Variants in DDAH1 observed in about 807,000 individuals in gnomAD.
DDAH1 encodes dimethylarginine dimethylaminohydrolase 1.
In DDAH1, 19 loss-of-function variants were observed where a neutral mutation model predicts 28.8. The observed-to-expected ratio is 0.66, with a 90% CI of 0.46 to 0.97. The LOEUF is 0.97. Ranked by LOEUF, DDAH1 falls within the 50% of genes least tolerant of loss-of-function variation. The pLI is 0.00. For synonymous variants in DDAH1, 153 were observed against 154.4 expected, an observed-to-expected ratio of 0.99 and a Z score of 0.07; for missense variants, 326 against 375.9, an observed-to-expected ratio of 0.87 and a Z score of 1.10.
rs72724700 is a variant in DDAH1 at position 85,519,256 on chromosome 1, C to T, written c.-122-22975G>A. ...CTACAGGCGCCCGCCACCAGGCCGGCGTAATTTTTTTTTGTATTTTTAGTA... is the reference window on the plus strand; with the variant it reads ...CTACAGGCGCCCGCCACCAGGCCGGTGTAATTTTTTTTTGTATTTTTAGTA... On this transcript the variant is annotated intron_variant, in intron 1 of 6. Coordinates refer to the DDAH1 transcript ENST00000426972. Among the ~76,000 whole-genome samples the T allele has an allele frequency of 1.3e-4, 20 of 151,846 alleles. No homozygotes were observed. The East Asian group carries it at 1.5e-3, about 12-fold the overall frequency.
chr1:85,448,295 T>C (rs1654525782), intron 1 of DDAH1, among the ~76,000 whole-genome samples: 1 of 152,216 alleles, frequency 6.6e-6, no homozygotes, highest in South Asian at 2.1e-4. Flanking sequence ...TTATCCTGGA[T>C]TACCAATCAG....
At chr1:85,421,349 T>C (rs376166987) in intron 1 of DDAH1, among the ~76,000 whole-genome samples, 6 of 152,342 alleles carry the variant, frequency 3.9e-5, no homozygotes. Flanking sequence ...GTTACTGAGG[T>C]CAGCAGCTTT....
At chr1:85,385,146 T>A (rs1022568302) in intron 1 of DDAH1, among the ~76,000 whole-genome samples, 1 of 152,206 alleles carries the variant, frequency 6.6e-6, no homozygotes, top group Non-Finnish European at 1.5e-5. Context: ...GCAATATCTA[T>A]TTAAGCTTTT....
intron 1 of DDAH1, among the ~76,000 whole-genome samples, chr1:85,384,671 T>C (rs1377319054): frequency 6.6e-6 from 1 of 152,232 alleles, no homozygotes; most frequent in Non-Finnish European, 1.5e-5. Context: ...TAAACATTGT[T>C]ACTTTTCTTT....
At chr1:85,524,795 A>G (rs1207352912) in intron 1 of DDAH1, among the ~76,000 whole-genome samples, 1 of 151,496 alleles carries the variant, frequency 6.6e-6, no homozygotes, top group Admixed American at 6.6e-5. Context: ...TTAGAAATGA[A>G]GCACGCAGTG....
At chr1:85,479,159 CTTTTTTTT>C (rs35629726) in intron 2 of DDAH1, among the ~76,000 whole-genome samples, 64 of 78,662 alleles carry the variant, frequency 8.1e-4, no homozygotes, top group Non-Finnish European at 1.0e-3. Context: ...TTCTGTTTTT[CTTTTTTTT>C]TTTTTTTTTT....
chr1:85,572,198 C>T (rs1170937093), intron 1 of DDAH1, among the ~76,000 whole-genome samples: 2 of 152,124 alleles, frequency 1.3e-5, no homozygotes, highest in African/African-American at 4.8e-5. Context: ...GGCAAGGGCC[C>T]TAAGGAGAGA....
intron 1 of DDAH1, among the ~76,000 whole-genome samples, chr1:85,426,020 A>G (rs955958960): frequency 3.9e-5 from 6 of 152,292 alleles, no homozygotes; most frequent in African/African-American, 1.4e-4. Context: ...TACGTTCATT[A>G]CTAACAGGGA....
At chr1:85,501,982 C>T (rs1656837842) in intron 1 of DDAH1, among the ~76,000 whole-genome samples, 1 of 152,170 alleles carries the variant, frequency 6.6e-6, no homozygotes, top group Non-Finnish European at 1.5e-5. Flanking sequence ...TATCCTTTAA[C>T]CATGCTTCCC....
chr1:85,431,680 T>C (rs1341368766), intron 1 of DDAH1, among the ~76,000 whole-genome samples: 1 of 152,086 alleles, frequency 6.6e-6, no homozygotes, highest in Non-Finnish European at 1.5e-5. Flanking sequence ...CAGTAATGCA[T>C]CTGACCCTAT....
At chr1:85,544,877 C>T (rs1024822474) in intron 1 of DDAH1, among the ~76,000 whole-genome samples, 1 of 152,110 alleles carries the variant, frequency 6.6e-6, no homozygotes, top group Non-Finnish European at 1.5e-5. Flanking sequence ...CCCAAAGGGC[C>T]TATTCACCCT....
intron 1 of DDAH1, among the ~76,000 whole-genome samples, chr1:85,422,045 C>A (rs953145061): frequency 3.3e-5 from 5 of 151,982 alleles, no homozygotes; most frequent in Non-Finnish European, 7.4e-5. Context: ...AAAAAGAGTA[C>A]CTATTGTTCT....
At chr1:85,507,357 G>T (rs965607527) in intron 1 of DDAH1, among the ~76,000 whole-genome samples, 1 of 152,044 alleles carries the variant, frequency 6.6e-6, no homozygotes, top group East Asian at 1.9e-4. Context: ...ACAAAAATTA[G>T]CCAGGTGTGC....
chr1:85,394,590 C>G (rs908542171), intron 1 of DDAH1, among the ~76,000 whole-genome samples: 3 of 152,118 alleles, frequency 2.0e-5, no homozygotes, highest in Non-Finnish European at 2.9e-5. Context: ...TTCTGACCAA[C>G]AAAATAACCT....
At chr1:85,452,019 C>T (rs72956696) in intron 1 of DDAH1, among the ~76,000 whole-genome samples, 510 of 152,194 alleles carry the variant, frequency 3.4e-3, no homozygotes, top group African/African-American at 0.012. Flanking sequence ...TTTGAAAATG[C>T]CTGTTTACTG....
chr1:85,523,208 T>A (rs1657751691), intron 1 of DDAH1, among the ~76,000 whole-genome samples: 1 of 151,948 alleles, frequency 6.6e-6, no homozygotes, highest in Non-Finnish European at 1.5e-5. Context: ...CTGGAAGAGA[T>A]CAGAGTATGA....
At chr1:85,358,625 G>C (rs1039128969) in intron 2 of DDAH1, 123 bp downstream of exon 2, 1 of 713,824 alleles carries the variant, frequency 1.4e-6, no homozygotes, top group South Asian at 2.0e-5. Flanking sequence ...CTCCGGCCTA[G>C]GTGACAGCGA....
At chr1:85,376,585 G>A (rs546133140) in intron 1 of DDAH1, among the ~76,000 whole-genome samples, 25 of 151,740 alleles carry the variant, frequency 1.6e-4, no homozygotes, top group Admixed American at 1.5e-3. Flanking sequence ...TTTTCACAGG[G>A]TAACTTGTTT....
At chr1:85,379,903 A>G (rs1223899862) in intron 1 of DDAH1, among the ~76,000 whole-genome samples, 1 of 152,184 alleles carries the variant, frequency 6.6e-6, no homozygotes, top group Non-Finnish European at 1.5e-5. Context: ...AAAAGGCCTC[A>G]TTCCCTGTTG....
Sources: gnomAD v4.1 joint callset for allele counts (sites outside exome capture counted in the v4.1 genomes callset) on GRCh38, gnomAD v4.1.1 for gene constraint, MANE v1.5 for transcripts, NCBI Gene and HGNC (gene_info 2026-07-23, HGNC 2026-07-21) for gene names.